The following ADAMTS13 variants were observed in gnomAD, a reference collection of about 807,000 sequenced individuals.
ADAMTS13 encodes A disintegrin and metalloproteinase with thrombospondin motifs 13.
A neutral mutation model predicts 155.1 loss-of-function variants in ADAMTS13; 110 were observed. The observed-to-expected ratio is 0.71, with a 90% CI of 0.61 to 0.83. The LOEUF (loss-of-function observed/expected upper bound fraction) is 0.83, where lower values mean the gene tolerates loss of function less well. Among genes scored for constraint, ADAMTS13 ranks in the 40% least tolerant of loss-of-function variants. The pLI is 0.00. For synonymous variants in ADAMTS13, 758 were observed against 756.4 expected (o/e 1.00, Z -0.03); for missense variants, 1,707 against 1,891.7 (o/e 0.90, Z 1.81).
At chr9:133,438,517 T>TCC (rs1378271998) in intron 14 of ADAMTS13, 151 bp downstream of exon 14, 104 of 1,261,500 alleles carry the variant, frequency 8.2e-5, no homozygotes, top group Non-Finnish European at 1.1e-4. Flanking sequence ...GTCTCCCTCT[T>TCC]CCACTTCGCC....
At chr9:133,451,042 C>T (rs970676010) in intron 23 of ADAMTS13, among the ~76,000 whole-genome samples, 4 of 152,312 alleles carry the variant, frequency 2.6e-5, no homozygotes, top group African/African-American at 9.6e-5. Context: ...TGTTCAAGTC[C>T]GTGGGGTCCG....
chr9:133,444,053 TTGG>T (rs1564430963), intron 19 of ADAMTS13, among the ~76,000 whole-genome samples: 1 of 152,168 alleles, frequency 6.6e-6, no homozygotes, highest in Non-Finnish European at 1.5e-5. Flanking sequence ...GTCTGGATTG[TTGG>T]TGGCCCACTC....
In ADAMTS13 at chr9:133,442,760, C is replaced by T. The variant is rs375127652; in HGVS notation, c.2234+17C>T. 1 of 1,610,450 alleles carries T rather than the reference C, an allele frequency of 6.2e-7. No individual in the cohort carries two copies. The highest frequency in any genetic ancestry group is 8.5e-7 in the Non-Finnish European group (1 of 1,179,334). On this transcript the variant is annotated intron_variant, in intron 18 of 28. Transcript: ENST00000355699. ...CCCTCCCTAGTGAGTGTGGTGCTGT[C>T]TGCGCAGCTCCAAGGGGGAGAGAGG... is the stretch of plus-strand genomic sequence containing the variant.
At chr9:133,454,377 G>A (rs1359418295) in intron 23 of ADAMTS13, 38 bp from the exon 24 acceptor site, 3 of 1,610,054 alleles carry the variant, frequency 1.9e-6, no homozygotes, top group East Asian at 2.2e-5. Flanking sequence ...TGTCTCTGGG[G>A]AGACCTAGCC....
At chr9:133,443,292 G>A (rs966576828) in intron 18 of ADAMTS13, 84 bp from the exon 19 acceptor site, 42 of 1,495,926 alleles carry the variant, frequency 2.8e-5, no homozygotes, top group Middle Eastern at 4.6e-4. Flanking sequence ...CCAGACCGGG[G>A]GAGTACATCA....
chr9:133,449,197 C>T (rs587701159), intron 22 of ADAMTS13, among the ~76,000 whole-genome samples: 1 of 152,306 alleles, frequency 6.6e-6, no homozygotes, highest in Admixed American at 6.5e-5. Flanking sequence ...ATCTGGGATG[C>T]TGTGGGTGCA....
chr9:133,457,250 G>A lies in ADAMTS13; in HGVS notation c.3724+531G>A, dbSNP rs184465573. Among the ~76,000 whole-genome samples, 800 of 152,280 alleles carry A rather than the reference G, an allele frequency of 5.3e-3. 11 individuals carry two copies. Among genetic ancestry groups the A allele is most frequent in the African/African-American group, 0.018 (751 of 41,548 alleles). ...GGGGCTTGCCCTCTCCCAACAGCCC[G>A]AGCTGGCCGAAGTTGGCTTCCCTAG... On this transcript the variant is annotated intron_variant, in intron 27 of 28. Coordinates refer to ENST00000355699, the MANE Select transcript of ADAMTS13 (RefSeq NM_139027.6).
At chr9:133,448,452 T>G in intron 21 of ADAMTS13, 147 bp from the exon 22 acceptor site, 1 of 978,034 alleles carries the variant, frequency 1.0e-6, no homozygotes, top group South Asian at 1.3e-5. Context: ...GTTAAGTCAG[T>G]TGTCTGAGGT....
At chr9:133,426,989 G>A (rs1840325290) in intron 6 of ADAMTS13, among the ~76,000 whole-genome samples, 1 of 152,094 alleles carries the variant, frequency 6.6e-6, no homozygotes, top group African/African-American at 2.4e-5. Flanking sequence ...TTTTAGTAGA[G>A]ACAGGGTTTC....
chr9:133,443,870 C>T (rs1313639726), intron 19 of ADAMTS13, among the ~76,000 whole-genome samples: 1 of 152,090 alleles, frequency 6.6e-6, no homozygotes, highest in African/African-American at 2.4e-5. Flanking sequence ...TGGGAGATGT[C>T]ACTTTCTCAT....
In ADAMTS13 at chr9:133,449,777, C is replaced by T; in HGVS notation, c.2862-6C>T. 6.2e-7 allele frequency: 1 copy of T among 1,613,732 alleles called. No individual in the cohort carries two copies. The highest frequency in any genetic ancestry group is 8.5e-7 in the Non-Finnish European group (1 of 1,180,022). On this transcript the variant is annotated splice_region_variant and splice_polypyrimidine_tract_variant and intron_variant, in intron 22 of 28. Transcript: ENST00000355699. Reference sequence around the variant, plus strand: ...GTTTGGGGTCCCTGACTCCAGTTTGCTCCAGGTGGCAGTACAAGCTGGCGG... The same window carrying T: ...GTTTGGGGTCCCTGACTCCAGTTTGTTCCAGGTGGCAGTACAAGCTGGCGG...
rs36218552 is a variant in ADAMTS13, at chr9:133,424,252, C to T, written c.173-69C>T. On this transcript the variant is annotated intron_variant, in intron 2 of 28. Transcript: ENST00000355699. The surrounding 1 kb of genome is among the most constrained non-coding windows in gnomAD (Gnocchi z 4.3). ...CCATCCTTCCAAGACCTGCCAGCCC[C>T]TTTCCTGTTAGCTTTCCACTGCTTG... 3,014 of 1,601,404 alleles carry T rather than the reference C, an allele frequency of 1.9e-3. 34 individuals are homozygous for T. In the African/African-American group the frequency reaches 0.035, roughly 18 times the overall value.
At chr9:133,455,930 T>C (rs1588209073) in intron 25 of ADAMTS13, 139 bp from the exon 26 acceptor site, 10 of 1,162,780 alleles carry the variant, frequency 8.6e-6, no homozygotes, top group Non-Finnish European at 1.2e-5. Context: ...CTCCCTGTCC[T>C]GAGAAGGCTT....
chr9:133,450,051 T>C (rs1842338599), intron 23 of ADAMTS13, 86 bp downstream of exon 23: 5 of 1,479,104 alleles, frequency 3.4e-6, no homozygotes, highest in Non-Finnish European at 4.5e-6. Flanking sequence ...TAATCGCAGC[T>C]ACTTGGAAAG....
At chr9:133,438,426 C>T in intron 14 of ADAMTS13, 60 bp downstream of exon 14, 4 of 1,605,186 alleles carry the variant, frequency 2.5e-6, no homozygotes, top group Non-Finnish European at 3.4e-6. Flanking sequence ...ATGGCCACAG[C>T]CCAGAGCGTT....
At position 133,456,405 on chromosome 9, in the gene ADAMTS13, G is replaced by C. The variant is rs1842745130; in HGVS notation, c.3548-138G>C. On this transcript the variant is annotated intron_variant, in intron 26 of 28. Coordinates refer to ENST00000355699, the MANE Select transcript of ADAMTS13 (RefSeq NM_139027.6). The surrounding 1 kb of genome is among the most constrained non-coding windows in gnomAD (Gnocchi z 4.4). The stretch of plus-strand genomic sequence containing the variant: ...AAACTGAGGCTAGGAGAGATTAAGT[G>C]ATGTGCCCAGTTACTTAGAGTCACA... 1 of 1,367,482 alleles carries C rather than the reference G, an allele frequency of 7.3e-7. No individual in the cohort carries two copies. The highest frequency in any genetic ancestry group is 1.3e-5 in the South Asian group (1 of 78,270). The allele number at this position is 1,367,482 out of a possible 1,614,324, so 84.7% of individuals were successfully genotyped here. A position where few individuals can be genotyped will look rare whatever the true frequency, so the allele number is the denominator to read the frequency against.
chr9:133,422,542 C>T lies in ADAMTS13; in HGVS notation c.99C>T (p.Phe33=). The change falls in exon 1 of 29, where the codon TTC becomes TTT. Residue 33 remains phenylalanine (F), a synonymous_variant. Coordinates refer to ENST00000355699, the MANE Select transcript of ADAMTS13 (RefSeq NM_139027.6). ...FLLGCWGPSH[F]QQSCLQALEP... ...TGGGCTGCTGGGGACCCTCCCATTT[C>T]CAGCAGGTGGGCTCATTTGCAGGAG... 1 of 1,614,084 alleles carries T rather than the reference C, an allele frequency of 6.2e-7. No individual in the cohort carries two copies. Among genetic ancestry groups the T allele is most frequent in the South Asian group, 1.1e-5 (1 of 91,082 alleles).
At chr9:133,431,481 C>T (rs1840761776) in intron 8 of ADAMTS13, among the ~76,000 whole-genome samples, 1 of 151,698 alleles carries the variant, frequency 6.6e-6, no homozygotes, top group African/African-American at 2.4e-5. Flanking sequence ...CATGTGCCAC[C>T]ATGCCCAGCT....
In ADAMTS13 at chr9:133,445,915, T is replaced by C. The variant is rs1414248335; in HGVS notation, c.2731+96T>C. The C allele has an allele frequency of 3.0e-5, 44 of 1,480,308 alleles. No individual in the cohort carries two copies. The highest frequency in any genetic ancestry group is 2.6e-4 in the Admixed American group (11 of 42,358). 91.7% of individuals were successfully genotyped at this position (1,480,308 alleles called of 1,614,324 possible). A position where few individuals can be genotyped will look rare whatever the true frequency, so the allele number is the denominator to read the frequency against. On this transcript the variant is annotated intron_variant, in intron 21 of 28. Coordinates refer to ENST00000355699, the MANE Select transcript of ADAMTS13 (RefSeq NM_139027.6). This position sits in a 1 kb window ranked among gnomAD's most constrained non-coding sequence, Gnocchi z 5.0. ...CGTTCTGAAAAGCATTTGAGGTGGA[T>C]TGCAGAAAATCCAGACTATATGGGA... is the stretch of plus-strand genomic sequence containing the variant.
Sources: gnomAD v4.1 joint callset for allele counts (sites outside exome capture counted in the v4.1 genomes callset) on GRCh38, gnomAD v4.1.1 for gene constraint, Gnocchi (gnomAD v3.1) non-coding constraint, MANE v1.5 for transcripts, NCBI Gene and HGNC (gene_info 2026-07-23, HGNC 2026-07-21) for gene names.